PIK3R3: variants seen among roughly 807,000 people sequenced by gnomAD.
PIK3R3 encodes phosphoinositide-3-kinase regulatory subunit 3, also known as phosphatidylinositol 3-kinase regulatory subunit gamma.
Under a neutral mutation model 62.9 loss-of-function variants are expected in PIK3R3, and 64 were observed. The ratio of observed to expected loss-of-function variants is 1.02; its 90% CI spans 0.83 to 1.25. The LOEUF is 1.25. PIK3R3 is among the 50% of genes most tolerant of loss of function. The pLI, the probability that PIK3R3 is intolerant of heterozygous loss-of-function variation, is 0.00. For missense variants in PIK3R3, 614 were observed against 561.6 expected (o/e 1.09, Z -0.94); for synonymous variants, 165 against 189.0 (o/e 0.87, Z 1.04).
the PIK3R3 span, among the ~76,000 whole-genome samples, chr1:46,138,452 G>C: frequency 6.6e-6 from 1 of 152,066 alleles, no homozygotes; most frequent in Non-Finnish European, 1.5e-5. Flanking sequence ...TTGAGCTCAG[G>C]AGTTCAAGAC....
intron 1 of PIK3R3, among the ~76,000 whole-genome samples, chr1:46,115,070 G>A (rs1654066222): frequency 6.6e-6 from 1 of 152,090 alleles, no homozygotes; most frequent in Non-Finnish European, 1.5e-5. Flanking sequence ...ATTTTGCACT[G>A]TATTTGTAGG....
At chr1:46,099,357 T>C (rs543816236) in intron 1 of PIK3R3, among the ~76,000 whole-genome samples, 1 of 152,278 alleles carries the variant, frequency 6.6e-6, no homozygotes, top group Non-Finnish European at 1.5e-5. Context: ...CTGGTTCTAA[T>C]CTCTGGCTGC....
chr1:46,048,135 G>A (rs975808285), intron 7 of PIK3R3: 1 of 152,230 alleles, frequency 6.6e-6, no homozygotes, highest in African/African-American at 2.4e-5. Context: ...GTAAGCTGCT[G>A]TAATGAAAGT....
the PIK3R3 span, among the ~76,000 whole-genome samples, chr1:46,155,344 A>C: frequency 6.6e-6 from 1 of 151,870 alleles, no homozygotes; most frequent in Non-Finnish European, 1.5e-5. Flanking sequence ...AAAGAAAAAA[A>C]AAAACAAAAA....
chr1:46,158,845 T>C, the PIK3R3 span, among the ~76,000 whole-genome samples: 1 of 152,164 alleles, frequency 6.6e-6, no homozygotes, highest in South Asian at 2.1e-4. Context: ...CCCAGCACTT[T>C]GGGAGGCCAA....
chr1:46,074,754 G>A lies in PIK3R3; in HGVS notation c.314+2761C>T, dbSNP rs187268490. On this transcript the variant is annotated intron_variant, in intron 3 of 9. Coordinates refer to ENST00000262741, the MANE Select transcript of PIK3R3 (RefSeq NM_003629.4). Reference sequence around the variant, plus strand: ...ACTCATCAGAATTTAGGAGCTCAACGTCCCCAGCCTCATCAGGGTCTTCCC... The same window carrying A: ...ACTCATCAGAATTTAGGAGCTCAACATCCCCAGCCTCATCAGGGTCTTCCC... 9.2e-5 allele frequency among the ~76,000 whole-genome samples: 14 copies of A among 152,210 alleles called. No homozygotes were observed. The East Asian group carries it at 1.7e-3, about 19-fold the overall frequency.
At chr1:46,069,376 T>C (rs1219239028) in intron 3 of PIK3R3, among the ~76,000 whole-genome samples, 1 of 151,892 alleles carries the variant, frequency 6.6e-6, no homozygotes, top group Non-Finnish European at 1.5e-5. Context: ...AAAATTAGCC[T>C]GGCGTGGTGG....
chr1:46,110,063 C>T (rs919802198), intron 1 of PIK3R3, among the ~76,000 whole-genome samples: 13 of 152,024 alleles, frequency 8.6e-5, no homozygotes, highest in Non-Finnish European at 5.9e-5. Context: ...ATATCCTGTA[C>T]CTCATAAAAT....
chr1:46,089,138 G>T (rs1013396190), intron 1 of PIK3R3, among the ~76,000 whole-genome samples: 6 of 152,090 alleles, frequency 3.9e-5, no homozygotes, highest in African/African-American at 1.4e-4. Context: ...CCAAAATGAA[G>T]AAATAAACTA....
intron 1 of PIK3R3, among the ~76,000 whole-genome samples, chr1:46,082,299 T>C (rs925484572): frequency 3.9e-5 from 6 of 152,158 alleles, no homozygotes; most frequent in African/African-American, 1.4e-4. Context: ...TTGAGGGGTA[T>C]TCTACAAAAT....
chr1:46,151,290 G>C, the PIK3R3 span, among the ~76,000 whole-genome samples: 1 of 152,138 alleles, frequency 6.6e-6, no homozygotes, highest in African/African-American at 2.4e-5. Flanking sequence ...CCATTTTTGT[G>C]ATGGGAGGTG....
At position 46,073,297 on chromosome 1, in the gene PIK3R3, T is replaced by C. The variant is rs566534323; in HGVS notation, c.314+4218A>G. The stretch of plus-strand genomic sequence containing the variant: ...CTACCCTGGAATCCAGTTATTCCCA[T>C]TGCATTTAAATTTTTCAATTGAGTG... On this transcript the variant is annotated intron_variant, in intron 3 of 9. Coordinates refer to ENST00000262741, the MANE Select transcript of PIK3R3 (RefSeq NM_003629.4). 3.3e-5 allele frequency among the ~76,000 whole-genome samples: 5 copies of C among 152,300 alleles called. No individual in the cohort carries two copies. In the East Asian group the frequency reaches 7.7e-4, roughly 23 times the overall value.
At chr1:46,072,717 A>C (rs1557580696) in intron 3 of PIK3R3, among the ~76,000 whole-genome samples, 1 of 152,062 alleles carries the variant, frequency 6.6e-6, no homozygotes, top group Non-Finnish European at 1.5e-5. Context: ...GGGGAGGCCA[A>C]GGTGGGAGGA....
At chr1:46,144,086 TAG>T in the PIK3R3 span, among the ~76,000 whole-genome samples, 1 of 152,206 alleles carries the variant, frequency 6.6e-6, no homozygotes, top group African/African-American at 2.4e-5. Flanking sequence ...CTAAATTGAT[TAG>T]AGTTTCTTTC....
intron 1 of PIK3R3, among the ~76,000 whole-genome samples, chr1:46,107,747 T>C (rs1037521255): frequency 6.6e-6 from 1 of 152,242 alleles, no homozygotes; most frequent in African/African-American, 2.4e-5. Context: ...TCTTTGCAAC[T>C]TGCAAAGTTA....
intron 1 of PIK3R3, among the ~76,000 whole-genome samples, chr1:46,101,630 T>C (rs752588596): frequency 2.6e-5 from 4 of 152,218 alleles, no homozygotes; most frequent in African/African-American, 7.2e-5. Flanking sequence ...AACGTTCTGA[T>C]ACATGCCGCA....
At chr1:46,148,325 TCAAA>T in the PIK3R3 span, among the ~76,000 whole-genome samples, 165 of 152,314 alleles carry the variant, frequency 1.1e-3, no homozygotes, top group Non-Finnish European at 2.1e-3. Context: ...GTGGAGGTGC[TCAAA>T]CAATGTTAGC....
At chr1:46,141,333 T>C in the PIK3R3 span, among the ~76,000 whole-genome samples, 2 of 152,176 alleles carry the variant, frequency 1.3e-5, no homozygotes, top group East Asian at 3.8e-4. Flanking sequence ...TACAGTGGCA[T>C]GATCTCAGCT....
At chr1:46,172,913 ACT>A in the PIK3R3 span, among the ~76,000 whole-genome samples, 1 of 151,932 alleles carries the variant, frequency 6.6e-6, no homozygotes, top group Non-Finnish European at 1.5e-5. Context: ...GAATCACTTG[ACT>A]CTGGGAGAAG....
Sources: gnomAD v4.1 joint callset for allele counts (sites outside exome capture counted in the v4.1 genomes callset) on GRCh38, gnomAD v4.1.1 for gene constraint, MANE v1.5 for transcripts, NCBI Gene and HGNC (gene_info 2026-07-23, HGNC 2026-07-21) for gene names.